The following SMARCAL1 variants were observed in gnomAD, a reference collection of about 807,000 sequenced individuals.
SMARCAL1 encodes ATP-driven annealing helicase.
A neutral mutation model predicts 94.5 loss-of-function variants in SMARCAL1; 58 were observed. The ratio of observed to expected loss-of-function variants is 0.61; its 90% confidence interval spans 0.50 to 0.76. SMARCAL1 has a LOEUF of 0.76. Among genes scored for constraint, SMARCAL1 ranks in the 30% least tolerant of loss-of-function variants. The probability of loss-of-function intolerance (pLI) is 0.00; values close to 1 mark genes in which losing one functional copy is unlikely to be tolerated. For missense variants in SMARCAL1, 1,051 were observed against 1,177.9 expected (o/e 0.89, Z 1.58); for synonymous variants, 422 against 455.1 (o/e 0.93, Z 0.93).
At chr2:216,421,343 G>A (rs1416951274) in intron 5 of SMARCAL1, among the ~76,000 whole-genome samples, 2 of 152,112 alleles carry the variant, frequency 1.3e-5, no homozygotes, top group East Asian at 3.8e-4. Flanking sequence ...TGTTGCCCAG[G>A]CTGGAGTGCA....
At chr2:216,449,961 C>T (rs761705189) in intron 11 of SMARCAL1, among the ~76,000 whole-genome samples, 7 of 152,068 alleles carry the variant, frequency 4.6e-5, no homozygotes, top group Non-Finnish European at 1.0e-4. Flanking sequence ...CCTCAGCCTC[C>T]CTAGTAGCTG....
intron 16 of SMARCAL1, among the ~76,000 whole-genome samples, chr2:216,477,416 T>G (rs1695109223): frequency 6.6e-6 from 1 of 152,200 alleles, no homozygotes; most frequent in East Asian, 1.9e-4. Context: ...GCAGGGTGCA[T>G]GCTGAATCTT....
chr2:216,453,780 C>T (rs566870567), intron 12 of SMARCAL1, among the ~76,000 whole-genome samples: 2 of 152,282 alleles, frequency 1.3e-5, no homozygotes, highest in South Asian at 2.1e-4. Context: ...ATGGTGACTC[C>T]AGCCAAGCAC....
chr2:216,475,183 T>G lies in SMARCAL1; in HGVS notation c.2245-86T>G. The G allele has an allele frequency of 7.2e-7, 1 of 1,397,938 alleles. No homozygotes were observed. 86.6% of individuals were successfully genotyped at this position (1,397,938 alleles called of 1,614,324 possible). ...GGCCTCTGCTGAGCTGGAACCTGGT[T>G]CTGTGCTGGAGCTGTGGCTGGGTGT... On this transcript the variant is annotated intron_variant, in intron 14 of 17. Transcript: ENST00000357276. The surrounding 1 kb of genome is among the most constrained non-coding windows in gnomAD (Gnocchi z 4.4).
chr2:216,422,335 G>T (rs981904812), intron 5 of SMARCAL1, among the ~76,000 whole-genome samples: 2 of 152,140 alleles, frequency 1.3e-5, no homozygotes, highest in African/African-American at 4.8e-5. Flanking sequence ...AGCCTAGATC[G>T]CACCACTGCA....
intron 6 of SMARCAL1, 41 bp downstream of exon 6, chr2:216,423,724 T>TA: frequency 6.7e-7 from 1 of 1,496,346 alleles, no homozygotes; most frequent in Non-Finnish European, 9.3e-7. Flanking sequence ...ATGCTATTGT[T>TA]AAGCTTTAAT....
At chr2:216,441,241 T>C (rs1243459673) in intron 10 of SMARCAL1, among the ~76,000 whole-genome samples, 2 of 152,156 alleles carry the variant, frequency 1.3e-5, no homozygotes, top group Non-Finnish European at 1.5e-5. Context: ...ATTTTGTAAA[T>C]AGCAATAGCA....
chr2:216,438,164 AG>A (rs758946975), intron 9 of SMARCAL1, among the ~76,000 whole-genome samples: 5 of 152,202 alleles, frequency 3.3e-5, no homozygotes, highest in Admixed American at 6.5e-5. Context: ...TGGGCGGAGC[AG>A]GGATTCATGA....
At chr2:216,464,493 CG>C in intron 12 of SMARCAL1, 103 bp from the exon 13 acceptor site, 1 of 872,340 alleles carries the variant, frequency 1.1e-6, no homozygotes, top group South Asian at 1.3e-5. Flanking sequence ...ACTCTGGTGA[CG>C]GGTGGTTGAG....
At chr2:216,481,757 G>A (rs896958885) in intron 17 of SMARCAL1, among the ~76,000 whole-genome samples, 4 of 152,110 alleles carry the variant, frequency 2.6e-5, no homozygotes, top group African/African-American at 7.2e-5. Context: ...CATCCGCCTC[G>A]GCCTCCTAAA....
chr2:216,420,610 C>T (rs1342072060), intron 5 of SMARCAL1, 78 bp downstream of exon 5: 9 of 1,108,392 alleles, frequency 8.1e-6, no homozygotes, highest in Non-Finnish European at 1.2e-5. Flanking sequence ...TTCTCTACCT[C>T]GAATATTCAA....
At chr2:216,470,641 C>A (rs187871000) in intron 14 of SMARCAL1, among the ~76,000 whole-genome samples, 1 of 151,968 alleles carries the variant, frequency 6.6e-6, no homozygotes, top group Admixed American at 6.6e-5. Context: ...GAATGTACCA[C>A]CACGCCTTGC....
At chr2:216,419,808 T>G (rs979923517) in intron 4 of SMARCAL1, among the ~76,000 whole-genome samples, 1 of 151,970 alleles carries the variant, frequency 6.6e-6, no homozygotes, top group Non-Finnish European at 1.5e-5. Flanking sequence ...GGTGCGTAGA[T>G]GGTTTGAGCT....
chr2:216,468,028 G>A lies in SMARCAL1; in HGVS notation c.2226G>A (p.Thr742=), dbSNP rs2271335. 778 of 1,612,474 alleles carry A rather than the reference G, an allele frequency of 4.8e-4. 7 individuals are homozygous for A. In the South Asian group the frequency reaches 7.2e-3, roughly 15 times the overall value. The change falls in exon 14 of 18, where the codon ACG becomes ACA. Residue 742 remains threonine (T), a synonymous_variant. Transcript: ENST00000357276. ...ATAAGGTGGTCCTGGACGCAATTAC[G>A]CAAGAGCTTGAGAGAAAGGTGAGCT... ...AHHKVVLDAI[T]QELERKHVQH... is the part of the protein sequence containing the mutation.
At chr2:216,455,124 G>A (rs995208801) in intron 12 of SMARCAL1, among the ~76,000 whole-genome samples, 9 of 152,354 alleles carry the variant, frequency 5.9e-5, no homozygotes, top group African/African-American at 9.6e-5. Context: ...GTCTGAGATC[G>A]AACTGCAAGG....
chr2:216,429,155 C>A (rs1177456890), intron 7 of SMARCAL1, among the ~76,000 whole-genome samples: 2 of 152,234 alleles, frequency 1.3e-5, no homozygotes, highest in Non-Finnish European at 2.9e-5. Context: ...AGGTGTTACT[C>A]AAGTGTGGCA....
intron 10 of SMARCAL1, among the ~76,000 whole-genome samples, chr2:216,438,813 C>T (rs1320165749): frequency 6.6e-6 from 1 of 152,088 alleles, no homozygotes; most frequent in Non-Finnish European, 1.5e-5. Context: ...TAAGAGAGAG[C>T]CTCTAGCAGC....
At chr2:216,438,358 G>GAC (rs1694121941) in intron 9 of SMARCAL1, 62 bp from the exon 10 acceptor site, 2 of 1,418,346 alleles carry the variant, frequency 1.4e-6, no homozygotes, top group Non-Finnish European at 2.0e-6. Context: ...AGCCTAAAGT[G>GAC]ACCCATATTT....
chr2:216,443,080 T>TA (rs1414539194), intron 10 of SMARCAL1, among the ~76,000 whole-genome samples: 1 of 151,724 alleles, frequency 6.6e-6, no homozygotes, highest in Non-Finnish European at 1.5e-5. Flanking sequence ...TTTTCCAGAG[T>TA]AAAAAAATCT....
Sources: allele counts gnomAD v4.1 joint callset (sites outside exome capture counted in the v4.1 genomes callset), GRCh38; gene constraint gnomAD v4.1.1; non-coding constraint Gnocchi (gnomAD v3.1); transcripts MANE v1.5; gene names NCBI Gene and HGNC (gene_info 2026-07-23, HGNC 2026-07-21).